Variants in IRAK2 observed in about 807,000 individuals in gnomAD.
The protein encoded by IRAK2 is interleukin-1 receptor-associated kinase-like 2.
In IRAK2, 57 loss-of-function variants were observed where a neutral mutation model predicts 72.0. That is an observed-to-expected ratio of 0.79 (90% confidence interval 0.64 to 0.99). IRAK2 has a LOEUF of 0.99. Ranked by LOEUF, IRAK2 falls within the 50% of genes least tolerant of loss-of-function variation. IRAK2 has a pLI of 0.00. For synonymous variants in IRAK2, 293 were observed against 312.7 expected, an observed-to-expected ratio of 0.94 and a Z score of 0.67; for missense variants, 790 against 794.4, an observed-to-expected ratio of 0.99 and a Z score of 0.07.
intron 6 of IRAK2, 78 bp from the exon 7 acceptor site, chr3:10,216,856 A>T: frequency 9.4e-7 from 1 of 1,068,140 alleles, no homozygotes; most frequent in Non-Finnish European, 1.4e-6. Flanking sequence ...AGGAGAGGGC[A>T]GAAGAGGGGT....
At chr3:10,204,354 C>T (rs551868108) in intron 3 of IRAK2, among the ~76,000 whole-genome samples, 18 of 152,290 alleles carry the variant, frequency 1.2e-4, no homozygotes, top group Admixed American at 7.8e-4. Flanking sequence ...AGACCCGCTG[C>T]CAGCATCAGG....
chr3:10,230,097 C>T (rs942638953), intron 10 of IRAK2, among the ~76,000 whole-genome samples: 3 of 151,348 alleles, frequency 2.0e-5, no homozygotes, highest in African/African-American at 7.3e-5. Context: ...GACTCTGTCT[C>T]AAAAAAATAA....
chr3:10,219,890 C>G (rs1697662557), intron 8 of IRAK2, 101 bp downstream of exon 8: 8 of 753,476 alleles, frequency 1.1e-5, no homozygotes, highest in Non-Finnish European at 1.9e-5. Context: ...CCCCTGTCCT[C>G]TTTGTTTTTC....
At chr3:10,224,735 T>TCCACCCAC in intron 9 of IRAK2, among the ~76,000 whole-genome samples, 1 of 17,360 alleles carries the variant, frequency 5.8e-5, no homozygotes, top group East Asian at 4.0e-3. Flanking sequence ...TACCCATCCA[T>TCCACCCAC]CCATCCATCC....
At chr3:10,191,227 G>A (rs1697170476) in intron 2 of IRAK2, among the ~76,000 whole-genome samples, 1 of 151,820 alleles carries the variant, frequency 6.6e-6, no homozygotes, top group South Asian at 2.1e-4. Flanking sequence ...CCCGGGAGGC[G>A]GAGCTTGCAG....
rs555169553 is a variant in IRAK2 at position 10,190,279 on chromosome 3, C to CTTT, written c.278-10075_278-10073dup. ...CGAGATGGTGAGGTTTTCTTTGTTTCTTTTTTTTTTTTTTTTTGTGAGACA... is the reference window on the plus strand; with the variant it reads ...CGAGATGGTGAGGTTTTCTTTGTTTCTTTTTTTTTTTTTTTTTTTTGTGAGACA... On this transcript the variant is annotated intron_variant, in intron 2 of 12. Transcript: ENST00000256458. Among the ~76,000 whole-genome samples the CTTT allele has an allele frequency of 5.9e-4, 68 of 114,762 alleles. 1 individual carries two copies. The highest frequency in any genetic ancestry group is 2.2e-3 in the African/African-American group (61 of 27,302). 75.3% of individuals were successfully genotyped at this position (114,762 alleles called of 152,430 possible).
chr3:10,220,745 C>A (rs1306009716), intron 8 of IRAK2, among the ~76,000 whole-genome samples: 1 of 151,996 alleles, frequency 6.6e-6, no homozygotes, highest in Admixed American at 6.6e-5. Flanking sequence ...CGGCTCTCTC[C>A]CCTAATTTTT....
intron 1 of IRAK2, among the ~76,000 whole-genome samples, chr3:10,176,073 T>G (rs1008305032): frequency 8.1e-5 from 12 of 148,222 alleles, no homozygotes; most frequent in South Asian, 2.1e-4. Flanking sequence ...ATGTTTTTTT[T>G]TTTTTTTTTT....
chr3:10,226,386 C>T lies in IRAK2; in HGVS notation c.1225C>T (p.Leu409Phe). 1.2e-6 allele frequency: 2 copies of T among 1,613,602 alleles called. No homozygotes were observed. The highest frequency in any genetic ancestry group is 1.7e-6 in the Non-Finnish European group (2 of 1,179,802). The stretch of plus-strand genomic sequence containing the variant: ...TTCTCTCCAGGTGTTGGCCGAGGTC[C>T]TCACGGGCATCCCTGCAATGGATAA... ...FSCGIVLAEV[L>F]TGIPAMDNNR... The change falls in exon 10 of 13, where the codon CTC becomes TTC. Residue 409 changes from leucine (L) to phenylalanine (F), a missense_variant. Physicochemically the swap from Leu to Phe is conservative, Grantham distance 22 (BLOSUM62 0). Coordinates refer to ENST00000256458, the MANE Select transcript of IRAK2 (RefSeq NM_001570.4).
intron 9 of IRAK2, among the ~76,000 whole-genome samples, chr3:10,223,453 T>C (rs1348962551): frequency 6.6e-6 from 1 of 152,194 alleles, no homozygotes; most frequent in Non-Finnish European, 1.5e-5. Flanking sequence ...CATGTAGCAG[T>C]CTCCAAAGTA....
At chr3:10,172,532 C>T (rs1406478350) in intron 1 of IRAK2, among the ~76,000 whole-genome samples, 23 of 83,056 alleles carry the variant, frequency 2.8e-4, no homozygotes, top group Non-Finnish European at 3.7e-4. Flanking sequence ...AGTAAAACTC[C>T]GACTCAAAAA....
chr3:10,234,546 A>T lies in IRAK2; in HGVS notation c.1360A>T (p.Ile454Phe). Residue 454 changes from isoleucine to phenylalanine, a missense_variant, in exon 11 of 13, where the codon ATC becomes TTC. Ile to Phe is a conservative substitution (Grantham distance 21). Coordinates refer to ENST00000256458, the MANE Select transcript of IRAK2 (RefSeq NM_001570.4). Reference sequence around the variant, plus strand: ...CGTGGAGAACGTGATGGCAAAGGAGATCTGCCAGAAGTACCTGGAGAAGGG... The same window carrying T: ...CGTGGAGAACGTGATGGCAAAGGAGTTCTGCCAGAAGTACCTGGAGAAGGG... ...TGVENVMAKEICQKYLEKGAG... is the reference protein window; with the variant it reads ...TGVENVMAKEFCQKYLEKGAG... 1 of 1,614,040 alleles carries T rather than the reference A, an allele frequency of 6.2e-7. No homozygotes were observed.
At chr3:10,191,028 C>T (rs141857562) in intron 2 of IRAK2, among the ~76,000 whole-genome samples, 2,122 of 152,240 alleles carry the variant, frequency 0.014, 53 homozygotes, top group African/African-American at 0.048. Context: ...GGCGCGGTGG[C>T]TCAAGCCTGT....
chr3:10,165,174 C>A (rs1025006891), intron 1 of IRAK2, 126 bp downstream of exon 1: 2 of 763,368 alleles, frequency 2.6e-6, no homozygotes, highest in Non-Finnish European at 4.3e-6. Flanking sequence ...GGCGTGCGAG[C>A]TGAGCCTCCT....
At chr3:10,174,812 A>T (rs1336058477) in intron 1 of IRAK2, among the ~76,000 whole-genome samples, 1 of 152,024 alleles carries the variant, frequency 6.6e-6, no homozygotes, top group African/African-American at 2.4e-5. Flanking sequence ...GGCATGAACC[A>T]CTGCACCCGG....
chr3:10,207,502 A>G (rs774710195), intron 3 of IRAK2, among the ~76,000 whole-genome samples: 2 of 152,132 alleles, frequency 1.3e-5, no homozygotes, highest in Non-Finnish European at 2.9e-5. Context: ...ACCAGCCACC[A>G]TGGCTCACCT....
intron 2 of IRAK2, among the ~76,000 whole-genome samples, chr3:10,190,191 G>A (rs1458659349): frequency 6.7e-6 from 1 of 149,314 alleles, no homozygotes; most frequent in Non-Finnish European, 1.5e-5. Context: ...TGCCCCATCT[G>A]GAAAATGGGT....
chr3:10,180,450 G>A (rs1412036980), intron 2 of IRAK2, among the ~76,000 whole-genome samples: 1 of 152,158 alleles, frequency 6.6e-6, no homozygotes, highest in African/African-American at 2.4e-5. Flanking sequence ...GTCAAGGAAG[G>A]CCAGTGTGAG....
At chr3:10,182,442 C>G (rs1696974642) in intron 2 of IRAK2, among the ~76,000 whole-genome samples, 2 of 151,886 alleles carry the variant, frequency 1.3e-5, no homozygotes, top group Admixed American at 6.6e-5. Context: ...GCCACCACGC[C>G]CGGCTAATTT....
Sources: allele counts gnomAD v4.1 joint callset (sites outside exome capture counted in the v4.1 genomes callset), GRCh38; gene constraint gnomAD v4.1.1; transcripts MANE v1.5; gene names NCBI Gene and HGNC (gene_info 2026-07-23, HGNC 2026-07-21).